PSD2: variants seen among roughly 807,000 people sequenced by gnomAD.
The protein encoded by PSD2 is pleckstrin and Sec7 domain containing 2, also known as PH and SEC7 domain-containing protein 2.
PSD2 carries 38 observed loss-of-function variants against 69.8 expected under a neutral mutation model. That is an observed-to-expected ratio of 0.54 (90% confidence interval 0.42 to 0.71). The LOEUF is 0.71. PSD2 is among the 30% of genes least tolerant of loss of function. The probability of loss-of-function intolerance (pLI) is 0.00; values close to 1 mark genes in which losing one functional copy is unlikely to be tolerated. For synonymous variants in PSD2, 412 were observed against 423.0 expected, an observed-to-expected ratio of 0.97 and a Z score of 0.32; for missense variants, 943 against 1,014.5, an observed-to-expected ratio of 0.93 and a Z score of 0.96.
At chr5:139,751,393 G>C in the PSD2 span, among the ~76,000 whole-genome samples, 1 of 152,178 alleles carries the variant, frequency 6.6e-6, no homozygotes, top group Non-Finnish European at 1.5e-5. Flanking sequence ...GGGCACAGCA[G>C]CCTGGGGTTC....
the PSD2 span, chr5:139,775,271 G>GC: frequency 1.3e-5 from 2 of 152,292 alleles, no homozygotes; most frequent in African/African-American, 4.8e-5. Context: ...GGCGGGGGCT[G>GC]CTGCAGTACC....
At chr5:139,754,566 GC>G in the PSD2 span, among the ~76,000 whole-genome samples, 1 of 152,050 alleles carries the variant, frequency 6.6e-6, no homozygotes, top group Non-Finnish European at 1.5e-5. Context: ...GCGTGGTGGT[GC>G]GTGTCTGTGG....
intron 7 of PSD2, among the ~76,000 whole-genome samples, chr5:139,831,146 G>A (rs1164901273): frequency 6.6e-6 from 1 of 151,952 alleles, no homozygotes; most frequent in Non-Finnish European, 1.5e-5. Flanking sequence ...ATATCTTCTG[G>A]CAGATTGACC....
the PSD2 span, among the ~76,000 whole-genome samples, chr5:139,765,953 CCT>C: frequency 2.0e-5 from 3 of 152,162 alleles, no homozygotes; most frequent in East Asian, 5.8e-4. Flanking sequence ...GCGTTCGTTC[CCT>C]CTCTCTTTCC....
intron 2 of PSD2, among the ~76,000 whole-genome samples, chr5:139,810,617 C>T (rs2126935799): frequency 6.6e-6 from 1 of 152,276 alleles, no homozygotes; most frequent in East Asian, 1.9e-4. Context: ...GTTGGTGCCC[C>T]TGGCCTGGGC....
chr5:139,815,010 G>A (rs1035560899), intron 4 of PSD2, among the ~76,000 whole-genome samples: 6 of 151,802 alleles, frequency 4.0e-5, no homozygotes, highest in East Asian at 2.0e-4. Flanking sequence ...GCCTCCCAAC[G>A]TCCGCATTAA....
rs1244103890 is a variant in PSD2 at position 139,839,672 on chromosome 5, G to A, written c.1969-355G>A. Reference sequence around the variant, plus strand: ...GCTGGCCTTGGTCCGGGGTGTTTGTGTGTGCACATGGGAGTGCATATGAGC... The same window carrying A: ...GCTGGCCTTGGTCCGGGGTGTTTGTATGTGCACATGGGAGTGCATATGAGC... On this transcript the variant is annotated intron_variant, in intron 13 of 14. Coordinates refer to ENST00000274710, the MANE Select transcript of PSD2 (RefSeq NM_032289.4). This position sits in a 1 kb window ranked among gnomAD's most constrained non-coding sequence, Gnocchi z 5.1. Among the ~76,000 whole-genome samples the A allele has an allele frequency of 6.6e-6, 1 of 152,258 alleles. No individual in the cohort carries two copies. Among genetic ancestry groups the A allele is most frequent in the African/African-American group, 2.4e-5 (1 of 41,464 alleles).
At chr5:139,783,073 A>G in the PSD2 span, among the ~76,000 whole-genome samples, 2 of 152,118 alleles carry the variant, frequency 1.3e-5, no homozygotes, top group Non-Finnish European at 2.9e-5. Context: ...TTGTCTAGAT[A>G]TTTCATATAA....
the PSD2 span, among the ~76,000 whole-genome samples, chr5:139,787,099 A>G: frequency 1.1e-4 from 16 of 152,236 alleles, no homozygotes; most frequent in Middle Eastern, 0.01. Flanking sequence ...TGGTCTTCCC[A>G]AGTGAGAGAG....
chr5:139,749,769 G>T, the PSD2 span, among the ~76,000 whole-genome samples: 1 of 152,006 alleles, frequency 6.6e-6, no homozygotes, highest in Non-Finnish European at 1.5e-5. Context: ...GCCGAGGTGG[G>T]CAGATTGCTT....
intron 1 of PSD2, among the ~76,000 whole-genome samples, chr5:139,805,901 A>T (rs1370464999): frequency 6.6e-6 from 1 of 152,126 alleles, no homozygotes; most frequent in East Asian, 1.9e-4. Context: ...TTAGAGGATT[A>T]TGAGGAGGGA....
chr5:139,804,303 A>G (rs559129404), intron 1 of PSD2, among the ~76,000 whole-genome samples: 2 of 152,222 alleles, frequency 1.3e-5, no homozygotes, highest in South Asian at 4.1e-4. Flanking sequence ...TAGGTCCAAG[A>G]AAGATTTCTT....
chr5:139,842,178 G>T, intron 14 of PSD2, 93 bp from the exon 15 acceptor site: 1 of 970,610 alleles, frequency 1.0e-6, no homozygotes, highest in South Asian at 1.5e-5. Context: ...AAAGCTCTCT[G>T]CATATTAAGG....
the PSD2 span, among the ~76,000 whole-genome samples, chr5:139,789,364 G>C: frequency 2.0e-5 from 3 of 151,970 alleles, no homozygotes; most frequent in Non-Finnish European, 4.4e-5. Context: ...AGAGGCCTTC[G>C]CTGAACACCT....
chr5:139,785,491 TG>T, the PSD2 span, among the ~76,000 whole-genome samples: 1 of 152,268 alleles, frequency 6.6e-6, no homozygotes, highest in African/African-American at 2.4e-5. Flanking sequence ...CCCAAAGTGC[TG>T]GGATTACAGG....
In PSD2 at chr5:139,844,244, A is replaced by G. The variant is rs1561612544; in HGVS notation, c.*1770A>G. On this transcript the variant is annotated 3_prime_UTR_variant, in exon 15 of 15. Transcript: ENST00000274710. ...CCGAGGGCGGGTGAGTGGAGAGCAGAGCCAGGAGCTCTGGCAGCTGTGGAC... is the reference window on the plus strand; with the variant it reads ...CCGAGGGCGGGTGAGTGGAGAGCAGGGCCAGGAGCTCTGGCAGCTGTGGAC... The G allele has an allele frequency of 6.6e-6, 1 of 152,192 alleles. No homozygotes were observed. The highest frequency in any genetic ancestry group is 1.5e-5 in the Non-Finnish European group (1 of 68,032). 9.4% of individuals were successfully genotyped at this position (152,192 alleles called of 1,614,324 possible). A position where few individuals can be genotyped will look rare whatever the true frequency, so the allele number is the denominator to read the frequency against.
chr5:139,790,466 C>T, the PSD2 span, among the ~76,000 whole-genome samples: 17 of 151,284 alleles, frequency 1.1e-4, 1 homozygote, highest in Non-Finnish European at 1.5e-4. Flanking sequence ...TGGAGAAGAC[C>T]GAGGACTGAG....
chr5:139,751,790 CTTTTTTTTTTTT>C, the PSD2 span, among the ~76,000 whole-genome samples: 8 of 120,416 alleles, frequency 6.6e-5, no homozygotes, highest in Non-Finnish European at 1.4e-4. Context: ...AGGGTCCAGC[CTTTTTTTTTTTT>C]TTTTTTTTTG....
At position 139,842,553 on chromosome 5, in the gene PSD2, T is replaced by G. The variant is rs1760900925; in HGVS notation, c.*79T>G. The G allele has an allele frequency of 7.5e-7, 1 of 1,335,634 alleles. No individual in the cohort carries two copies. The highest frequency in any genetic ancestry group is 1.2e-5 in the South Asian group (1 of 80,760). 82.7% of individuals were successfully genotyped at this position (1,335,634 alleles called of 1,614,324 possible). On this transcript the variant is annotated 3_prime_UTR_variant, in exon 15 of 15. Transcript: ENST00000274710. ...GAGCACAATTCCAGCCAGGGGCCACTTGGACCAAGCTCCAGTCAGTTGATG... is the reference window on the plus strand; with the variant it reads ...GAGCACAATTCCAGCCAGGGGCCACGTGGACCAAGCTCCAGTCAGTTGATG...
Sources: gnomAD v4.1 joint callset for allele counts (sites outside exome capture counted in the v4.1 genomes callset) on GRCh38, gnomAD v4.1.1 for gene constraint, Gnocchi (gnomAD v3.1) non-coding constraint, MANE v1.5 for transcripts, NCBI Gene and HGNC (gene_info 2026-07-23, HGNC 2026-07-21) for gene names.